Variants in LCLAT1 observed in about 807,000 individuals in gnomAD.
LCLAT1 encodes the protein 1-AGP acyltransferase 8.
In LCLAT1, 11 loss-of-function variants were observed where a neutral mutation model predicts 30.7. The ratio of observed to expected loss-of-function variants is 0.36; its 90% CI spans 0.23 to 0.59. LCLAT1 has a LOEUF of 0.59. LCLAT1 is among the 20% of genes least tolerant of loss of function. The pLI is 0.77. For synonymous variants in LCLAT1, 155 were observed against 151.3 expected, an observed-to-expected ratio of 1.02 and a Z score of -0.18; for missense variants, 402 against 458.6, an observed-to-expected ratio of 0.88 and a Z score of 1.13.
intron 5 of LCLAT1, among the ~76,000 whole-genome samples, chr2:30,630,228 G>A (rs1347756649): frequency 6.6e-6 from 1 of 152,092 alleles, no homozygotes; most frequent in Non-Finnish European, 1.5e-5. Flanking sequence ...TACTGGATCA[G>A]GGCCTCACCT....
At chr2:30,564,435 T>A (rs1249848777) in intron 4 of LCLAT1, among the ~76,000 whole-genome samples, 1 of 151,938 alleles carries the variant, frequency 6.6e-6, no homozygotes, top group African/African-American at 2.4e-5. Flanking sequence ...TTTTTCATTC[T>A]GTATTTGTTC....
chr2:30,618,422 TTC>T (rs757235774), intron 5 of LCLAT1, among the ~76,000 whole-genome samples: 7 of 152,192 alleles, frequency 4.6e-5, no homozygotes, highest in Non-Finnish European at 8.8e-5. Context: ...ATATGGGTCT[TTC>T]TCTCAGTCAT....
In LCLAT1 at chr2:30,642,071, C is replaced by G. The variant is rs1669341203; in HGVS notation, c.*1452C>G. On this transcript the variant is annotated 3_prime_UTR_variant, in exon 6 of 6. Transcript: ENST00000379509. ...TGTACTCTTTGGGCATTAATGCCTTCTCTGTAATTATATCTCGTTTTTGCT... is the reference window on the plus strand; with the variant it reads ...TGTACTCTTTGGGCATTAATGCCTTGTCTGTAATTATATCTCGTTTTTGCT... 1 of 152,104 alleles carries G rather than the reference C, an allele frequency of 6.6e-6. No individual in the cohort carries two copies. Among genetic ancestry groups the G allele is most frequent in the Non-Finnish European group, 1.5e-5 (1 of 68,030 alleles). 9.4% of individuals were successfully genotyped at this position (152,104 alleles called of 1,614,324 possible). A position where few individuals can be genotyped will look rare whatever the true frequency, so the allele number is the denominator to read the frequency against.
intron 5 of LCLAT1, among the ~76,000 whole-genome samples, chr2:30,615,677 C>A (rs1667962442): frequency 6.6e-6 from 1 of 152,062 alleles, no homozygotes; most frequent in Non-Finnish European, 1.5e-5. Flanking sequence ...ATCAAAAAGT[C>A]TTTCTCCATA....
At chr2:30,570,416 TA>T (rs1490249669) in intron 5 of LCLAT1, among the ~76,000 whole-genome samples, 2 of 152,226 alleles carry the variant, frequency 1.3e-5, no homozygotes, top group Non-Finnish European at 2.9e-5. Context: ...CAGCTAACGT[TA>T]ACTGAGCATT....
intron 1 of LCLAT1, among the ~76,000 whole-genome samples, chr2:30,474,898 C>T (rs1682973594): frequency 6.6e-6 from 1 of 151,250 alleles, no homozygotes; most frequent in Non-Finnish European, 1.5e-5. Flanking sequence ...GCAATTCTCC[C>T]ACCTTGGTCT....
chr2:30,573,171 C>A (rs990629356), intron 5 of LCLAT1, among the ~76,000 whole-genome samples: 1 of 152,206 alleles, frequency 6.6e-6, no homozygotes, highest in Admixed American at 6.5e-5. Context: ...GGCCCGCCCC[C>A]CTCTGCTTTT....
chr2:30,622,596 C>T (rs901976630), intron 5 of LCLAT1, among the ~76,000 whole-genome samples: 2 of 152,212 alleles, frequency 1.3e-5, no homozygotes, highest in African/African-American at 4.8e-5. Context: ...CTGGTATCCA[C>T]GACTGAGACA....
At chr2:30,451,641 C>T (rs1681554281) in intron 1 of LCLAT1, among the ~76,000 whole-genome samples, 1 of 120,546 alleles carries the variant, frequency 8.3e-6, no homozygotes, top group Admixed American at 8.6e-5. Flanking sequence ...ACCAGTTGTA[C>T]ATCAGCAGTA....
intron 1 of LCLAT1, among the ~76,000 whole-genome samples, chr2:30,495,871 T>C (rs1478364447): frequency 2.0e-5 from 3 of 152,340 alleles, no homozygotes; most frequent in East Asian, 3.9e-4. Flanking sequence ...TGTATTATTC[T>C]TGACTTCTTT....
chr2:30,556,614 T>C (rs1324465357), intron 3 of LCLAT1, among the ~76,000 whole-genome samples: 3 of 152,182 alleles, frequency 2.0e-5, no homozygotes, highest in Admixed American at 6.5e-5. Context: ...TAACAGGTTA[T>C]TAGATAATCA....
chr2:30,497,321 T>C (rs1684166476), intron 1 of LCLAT1, among the ~76,000 whole-genome samples: 1 of 152,196 alleles, frequency 6.6e-6, no homozygotes. Context: ...TTATGTGGAA[T>C]TTTCGTAGCT....
At chr2:30,622,928 C>G (rs181462070) in intron 5 of LCLAT1, among the ~76,000 whole-genome samples, 1 of 152,130 alleles carries the variant, frequency 6.6e-6, no homozygotes, top group African/African-American at 2.4e-5. Context: ...CACCTTAGCT[C>G]ACCAGTAATG....
intron 5 of LCLAT1, among the ~76,000 whole-genome samples, chr2:30,577,357 G>A (rs1666041778): frequency 1.3e-5 from 2 of 152,098 alleles, no homozygotes; most frequent in Non-Finnish European, 2.9e-5. Context: ...AGTGTTCTCA[G>A]TGGCTTTCAC....
Position 30,518,688 on chromosome 2 carries a change from C to G in LCLAT1, c.-4-6899C>G, listed in dbSNP as rs536224329. 1.5e-3 allele frequency among the ~76,000 whole-genome samples: 227 copies of G among 152,290 alleles called. 2 individuals are homozygous for G. The highest frequency in any genetic ancestry group is 5.1e-3 in the African/African-American group (212 of 41,554). On this transcript the variant is annotated intron_variant, in intron 1 of 5. Transcript: ENST00000379509. ...CCCAGCTGTACCTAACCCTTATACT[C>G]TACTTTCCCAAATACCAGAGGAAGC...
chr2:30,493,814 G>A (rs1489254426), intron 1 of LCLAT1, among the ~76,000 whole-genome samples: 1 of 152,194 alleles, frequency 6.6e-6, no homozygotes, highest in East Asian at 1.9e-4. Flanking sequence ...ATCAAATAAG[G>A]TAGTGGTCAT....
chr2:30,540,832 T>C (rs1303560807), intron 3 of LCLAT1, among the ~76,000 whole-genome samples: 1 of 151,608 alleles, frequency 6.6e-6, no homozygotes, highest in Non-Finnish European at 1.5e-5. Context: ...GCCCGGCTAC[T>C]TTTTGTATTT....
intron 5 of LCLAT1, among the ~76,000 whole-genome samples, chr2:30,623,116 T>C (rs1162514729): frequency 2.1e-5 from 3 of 142,804 alleles, no homozygotes; most frequent in Non-Finnish European, 3.0e-5. Flanking sequence ...TGCAGTGGCG[T>C]GCTCTCTGCT....
rs565107996 is a variant in LCLAT1 at position 30,512,532 on chromosome 2, G to A, written c.-4-13055G>A. ...ATTAAGGAGAGGATATTTATCTCCAGATAGCCTCTTTGTGGCATAATCTTG... is the reference window on the plus strand; with the variant it reads ...ATTAAGGAGAGGATATTTATCTCCAAATAGCCTCTTTGTGGCATAATCTTG... On this transcript the variant is annotated intron_variant, in intron 1 of 5. Coordinates refer to ENST00000379509, the MANE Select transcript of LCLAT1 (RefSeq NM_001002257.3). Among the ~76,000 whole-genome samples the A allele has an allele frequency of 2.0e-5, 3 of 152,318 alleles. No homozygotes were observed. The East Asian group carries it at 5.8e-4, about 29-fold the overall frequency.
Sources: gnomAD v4.1 joint callset for allele counts (sites outside exome capture counted in the v4.1 genomes callset) on GRCh38, gnomAD v4.1.1 for gene constraint, MANE v1.5 for transcripts, NCBI Gene and HGNC (gene_info 2026-07-23, HGNC 2026-07-21) for gene names.